Variants in ABHD18 observed in about 807,000 individuals in gnomAD.
ABHD18 encodes cardiolipin-specific deacylase, mitochondrial.
A neutral mutation model predicts 65.9 loss-of-function variants in ABHD18; 55 were observed. The ratio of observed to expected loss-of-function variants is 0.84; its 90% CI spans 0.67 to 1.05. ABHD18 has a LOEUF of 1.05. Ranked by LOEUF, ABHD18 falls within the 50% of genes least tolerant of loss-of-function variation. The pLI is 0.00. For synonymous variants in ABHD18, 181 were observed against 180.2 expected, an observed-to-expected ratio of 1.00 and a Z score of -0.04; for missense variants, 533 against 558.5, an observed-to-expected ratio of 0.95 and a Z score of 0.46.
chr4:127,975,345 T>C (rs775096782), intron 1 of ABHD18, among the ~76,000 whole-genome samples: 5 of 152,304 alleles, frequency 3.3e-5, no homozygotes, highest in Non-Finnish European at 4.4e-5. Context: ...ATCCTTCTAC[T>C]TTCTGCTTCT....
chr4:127,981,556 A>G (rs1749054146), intron 1 of ABHD18, among the ~76,000 whole-genome samples: 1 of 152,230 alleles, frequency 6.6e-6, no homozygotes, highest in Non-Finnish European at 1.5e-5. Context: ...TGTTGAATGA[A>G]AAAAATCATA....
chr4:127,995,471 TTAGAGAG>T (rs1751587619), intron 4 of ABHD18, among the ~76,000 whole-genome samples: 1 of 152,200 alleles, frequency 6.6e-6, no homozygotes, highest in Non-Finnish European at 1.5e-5. Flanking sequence ...TAGTGGTTTA[TTAGAGAG>T]TAGAAAGATC....
intron 1 of ABHD18, among the ~76,000 whole-genome samples, 152 bp from the exon 2 acceptor site, chr4:127,982,787 T>C (rs1352612123): frequency 1.3e-5 from 2 of 152,176 alleles, no homozygotes; most frequent in Admixed American, 1.3e-4. Context: ...TCAGCTCTTT[T>C]TTTTCCCCCA....
At chr4:128,035,369 C>T (rs1334792619) in intron 12 of ABHD18, among the ~76,000 whole-genome samples, 6 of 152,084 alleles carry the variant, frequency 3.9e-5, no homozygotes, top group East Asian at 1.9e-4. Context: ...GCCAGGAGTT[C>T]GAGACCAGCC....
At chr4:128,010,958 T>C (rs1754429890) in intron 6 of ABHD18, among the ~76,000 whole-genome samples, 1 of 151,622 alleles carries the variant, frequency 6.6e-6, no homozygotes, top group Non-Finnish European at 1.5e-5. Context: ...AATGTTAATA[T>C]GGTTGTCTGT....
At chr4:127,988,388 G>A (rs1220022237) in intron 3 of ABHD18, among the ~76,000 whole-genome samples, 3 of 152,094 alleles carry the variant, frequency 2.0e-5, no homozygotes, top group African/African-American at 4.8e-5. Flanking sequence ...ATGCCACCAC[G>A]TTCAGCTAAT....
At chr4:128,025,480 AT>A in intron 10 of ABHD18, among the ~76,000 whole-genome samples, 1 of 152,152 alleles carries the variant, frequency 6.6e-6, no homozygotes, top group East Asian at 1.9e-4. Flanking sequence ...TTTCCTTATT[AT>A]TTTTTACTGC....
At chr4:127,983,175 G>T (rs1417111345) in intron 2 of ABHD18, 128 bp downstream of exon 2, 1 of 583,704 alleles carries the variant, frequency 1.7e-6, no homozygotes, top group Admixed American at 3.7e-5. Flanking sequence ...TATGTAAAAT[G>T]TAATTATTTC....
At chr4:128,002,234 C>T (rs1332486437) in intron 4 of ABHD18, among the ~76,000 whole-genome samples, 1 of 151,546 alleles carries the variant, frequency 6.6e-6, no homozygotes, top group Non-Finnish European at 1.5e-5. Context: ...AAGATCGTGA[C>T]ACTGCACTCC....
chr4:127,993,669 AT>A (rs922826966), intron 4 of ABHD18, among the ~76,000 whole-genome samples: 3 of 151,420 alleles, frequency 2.0e-5, no homozygotes, highest in South Asian at 2.1e-4. Context: ...AACTGTACTT[AT>A]TTTTTTTTAC....
intron 1 of ABHD18, among the ~76,000 whole-genome samples, chr4:127,969,105 GT>G: frequency 1.3e-5 from 2 of 152,072 alleles, no homozygotes; most frequent in Middle Eastern, 6.9e-3. Flanking sequence ...GGTAAATATA[GT>G]AAGGAATATG....
At chr4:127,965,649 C>T (rs1745050874) in intron 1 of ABHD18, 43 bp downstream of exon 1, 1 of 185,606 alleles carries the variant, frequency 5.4e-6, no homozygotes, top group African/African-American at 2.4e-5. Flanking sequence ...GCTAAGAGCT[C>T]CCCGCGCCTC....
intron 8 of ABHD18, 129 bp from the exon 9 acceptor site, chr4:128,019,951 C>A: frequency 3.7e-6 from 2 of 538,234 alleles, no homozygotes; most frequent in Non-Finnish European, 3.3e-6. Context: ...TAGACATTCT[C>A]ACGAATGTTT....
intron 3 of ABHD18, among the ~76,000 whole-genome samples, chr4:127,988,111 A>G (rs1421333959): frequency 4.6e-5 from 7 of 152,216 alleles, no homozygotes; most frequent in Admixed American, 1.3e-4. Flanking sequence ...GTAGAAATAT[A>G]TGGATATTTA....
In ABHD18 at chr4:128,039,916, A is replaced by G. The variant is rs1410326456; in HGVS notation, c.*4103A>G. 1 of 152,192 alleles carries G rather than the reference A, an allele frequency of 6.6e-6. No homozygotes were observed. Among genetic ancestry groups the G allele is most frequent in the African/African-American group, 2.4e-5 (1 of 41,462 alleles). 9.4% of individuals were successfully genotyped at this position (152,192 alleles called of 1,614,324 possible). On this transcript the variant is annotated 3_prime_UTR_variant, in exon 13 of 13. Coordinates refer to ENST00000645843, the MANE Select transcript of ABHD18 (RefSeq NM_001358451.3). ...AAAATAACCAAAATTTTCCCCAAATATGTGTGATCTGAGGGAAATAAACAT... is the reference window on the plus strand; with the variant it reads ...AAAATAACCAAAATTTTCCCCAAATGTGTGTGATCTGAGGGAAATAAACAT...
intron 1 of ABHD18, chr4:127,966,144 C>A (rs1343665224): frequency 6.6e-6 from 1 of 152,186 alleles, no homozygotes; most frequent in Non-Finnish European, 1.5e-5. Flanking sequence ...TTCACTAGAT[C>A]TCCATGTTTA....
In ABHD18 at chr4:128,030,559, C is replaced by T; in HGVS notation, c.1230C>T (p.Ala410=). The T allele has an allele frequency of 1.2e-6, 2 of 1,606,378 alleles. No homozygotes were observed. Among genetic ancestry groups the T allele is most frequent in the Non-Finnish European group, 1.7e-6 (2 of 1,178,692 alleles). ...TAGTGGTTCAAGCCAAAGAAGATGC[C>T]TATATTCCACGAACAGGAGTTCGAA... is the stretch of plus-strand genomic sequence containing the variant. ...LIIVVQAKED[A]YIPRTGVRSL... Residue 410 remains alanine (A), a synonymous_variant, in exon 12 of 13, where the codon GCC becomes GCT. Transcript: ENST00000645843.
intron 12 of ABHD18, chr4:128,031,171 C>G (rs1445333652): frequency 2.1e-5 from 21 of 984,232 alleles, no homozygotes; most frequent in Non-Finnish European, 2.3e-5. Flanking sequence ...AACTTTTATG[C>G]TGGCTGGGCG....
At chr4:127,983,697 C>G (rs1167755953) in intron 2 of ABHD18, among the ~76,000 whole-genome samples, 1 of 152,174 alleles carries the variant, frequency 6.6e-6, no homozygotes, top group Non-Finnish European at 1.5e-5. Context: ...AATCCCTTCT[C>G]TACTAAAAAT....
Sources: gnomAD v4.1 joint callset for allele counts (sites outside exome capture counted in the v4.1 genomes callset) on GRCh38, gnomAD v4.1.1 for gene constraint, MANE v1.5 for transcripts, NCBI Gene and HGNC (gene_info 2026-07-23, HGNC 2026-07-21) for gene names.